Variants in AKAP6 observed in about 807,000 individuals in gnomAD.
AKAP6 encodes A-kinase anchoring protein 6.
A neutral mutation model predicts 188.5 loss-of-function variants in AKAP6; 58 were observed. That is an observed-to-expected ratio of 0.31 (90% CI 0.25 to 0.38). AKAP6 has a LOEUF of 0.38. AKAP6 is among the 10% of genes least tolerant of loss of function. The probability of loss-of-function intolerance (pLI) is 1.00; values close to 1 mark genes in which losing one functional copy is unlikely to be tolerated. For synonymous variants in AKAP6, 989 were observed against 998.6 expected (o/e 0.99, Z 0.18); for missense variants, 2,710 against 2,740.0 (o/e 0.99, Z 0.24).
At chr14:32,663,796 C>T (rs1594824572) in intron 7 of AKAP6, among the ~76,000 whole-genome samples, 1 of 152,066 alleles carries the variant, frequency 6.6e-6, no homozygotes, top group Non-Finnish European at 1.5e-5. Context: ...GGTATGTCTG[C>T]AACACACTGG....
intron 8 of AKAP6, among the ~76,000 whole-genome samples, chr14:32,683,944 G>A (rs1889800696): frequency 6.6e-6 from 1 of 152,324 alleles, no homozygotes; most frequent in South Asian, 2.1e-4. Flanking sequence ...TGGTTACTGG[G>A]TAGATGGGGT....
intron 1 of AKAP6, among the ~76,000 whole-genome samples, chr14:32,432,164 G>T (rs980663593): frequency 8.6e-5 from 13 of 150,850 alleles, no homozygotes; most frequent in African/African-American, 2.9e-4. Context: ...TCATCTTTGG[G>T]GAAATAACAA....
At chr14:32,468,252 A>G (rs990545414) in intron 2 of AKAP6, among the ~76,000 whole-genome samples, 2 of 152,206 alleles carry the variant, frequency 1.3e-5, no homozygotes, top group African/African-American at 4.8e-5. Context: ...ACATTAATGA[A>G]GAGAAAATTA....
chr14:32,603,864 T>C (rs1046411655), intron 7 of AKAP6, among the ~76,000 whole-genome samples: 5 of 152,156 alleles, frequency 3.3e-5, no homozygotes, highest in Non-Finnish European at 7.3e-5. Flanking sequence ...GATATATTTT[T>C]GAGTATCTTT....
rs368423502 is a variant in AKAP6 at position 32,509,120 on chromosome 14, CTTTTTTTTTT to C, written c.325-26419_325-26410del. ...AGGCGTAAGCCACCATGCCCTGCCTCTTTTTTTTTTTTTTTTTTTTTTTTGAGAGAGTCTT... is the reference window on the plus strand; with the variant it reads ...AGGCGTAAGCCACCATGCCCTGCCTCTTTTTTTTTTTTTTGAGAGAGTCTT... On this transcript the variant is annotated intron_variant, in intron 2 of 13. Coordinates refer to ENST00000280979, the MANE Select transcript of AKAP6 (RefSeq NM_004274.5). 7.2e-4 allele frequency among the ~76,000 whole-genome samples: 68 copies of C among 94,772 alleles called. 1 individual carries two copies. Among genetic ancestry groups the C allele is most frequent in the African/African-American group, 2.4e-3 (56 of 23,792 alleles). 62.2% of individuals were successfully genotyped at this position (94,772 alleles called of 152,430 possible).
At chr14:32,540,131 G>GCTCTCTCTCTCTCTCTCTCTCT (rs1216788649) in intron 3 of AKAP6, among the ~76,000 whole-genome samples, 4 of 66,478 alleles carry the variant, frequency 6.0e-5, no homozygotes, top group African/African-American at 3.4e-4. Flanking sequence ...TTGCTCGTGC[G>GCTCTCTCTCTCTCTCTCTCTCT]CTCTCTCTCT....
At chr14:32,374,009 C>T (rs887446305) in intron 1 of AKAP6, among the ~76,000 whole-genome samples, 2 of 152,136 alleles carry the variant, frequency 1.3e-5, no homozygotes, top group African/African-American at 4.8e-5. Context: ...AAACCCCTGG[C>T]GTATGGAACA....
chr14:32,832,691 T>C lies in AKAP6; in HGVS notation c.*2886T>C, dbSNP rs1324307100. ...ACTGTTCCACTGTTGGGCATATCTCTTTGTTAGAAAGTTCTTTCTTAGGTT... is the reference window on the plus strand; with the variant it reads ...ACTGTTCCACTGTTGGGCATATCTCCTTGTTAGAAAGTTCTTTCTTAGGTT... On this transcript the variant is annotated 3_prime_UTR_variant, in exon 14 of 14. Coordinates refer to ENST00000280979, the MANE Select transcript of AKAP6 (RefSeq NM_004274.5). 6.6e-6 allele frequency: 1 copy of C among 152,432 alleles called. No homozygotes were observed. Among genetic ancestry groups the C allele is most frequent in the Non-Finnish European group, 1.5e-5 (1 of 68,048 alleles). The allele number at this position is 152,432 out of a possible 1,614,324, so 9.4% of individuals were successfully genotyped here.
chr14:32,676,675 T>C (rs895092453), intron 7 of AKAP6, among the ~76,000 whole-genome samples: 1 of 152,254 alleles, frequency 6.6e-6, no homozygotes, highest in African/African-American at 2.4e-5. Context: ...ATTGCAGTTT[T>C]GATCTGATTC....
chr14:32,406,305 G>A (rs1327095422), intron 1 of AKAP6, among the ~76,000 whole-genome samples: 2 of 152,302 alleles, frequency 1.3e-5, no homozygotes, highest in South Asian at 2.1e-4. Flanking sequence ...TGCCTCCTGG[G>A]TTCAAGCGAT....
chr14:32,678,589 T>G, intron 8 of AKAP6, 130 bp downstream of exon 8: 1 of 1,004,162 alleles, frequency 1.0e-6, no homozygotes. Flanking sequence ...GACTAGGCAT[T>G]AATGTTCTTT....
chr14:32,585,404 C>T (rs1237196363), intron 5 of AKAP6, among the ~76,000 whole-genome samples: 3 of 152,144 alleles, frequency 2.0e-5, no homozygotes, highest in Non-Finnish European at 2.9e-5. Flanking sequence ...TAACCAACCA[C>T]ATAGAAATAG....
chr14:32,793,386 C>T (rs375990822), intron 12 of AKAP6, among the ~76,000 whole-genome samples: 1 of 151,830 alleles, frequency 6.6e-6, no homozygotes, highest in South Asian at 2.1e-4. Flanking sequence ...CAGTTTCTGA[C>T]AAACCAGAGT....
intron 1 of AKAP6, among the ~76,000 whole-genome samples, chr14:32,423,175 G>A (rs1018693237): frequency 5.9e-5 from 9 of 151,922 alleles, no homozygotes; most frequent in African/African-American, 2.2e-4. Flanking sequence ...AATTTTTTGT[G>A]TGTTTGTTTT....
At chr14:32,350,932 A>G (rs868136360) in intron 1 of AKAP6, among the ~76,000 whole-genome samples, 12 of 152,126 alleles carry the variant, frequency 7.9e-5, no homozygotes, top group African/African-American at 2.9e-4. Context: ...AATTTGGCAT[A>G]TGTTTTCCCA....
At chr14:32,575,366 T>C (rs1376864738) in intron 4 of AKAP6, among the ~76,000 whole-genome samples, 1 of 152,132 alleles carries the variant, frequency 6.6e-6, no homozygotes, top group Non-Finnish European at 1.5e-5. Context: ...AGTAAGGGAA[T>C]ACATTGTATG....
intron 2 of AKAP6, among the ~76,000 whole-genome samples, chr14:32,475,525 C>T (rs1462524349): frequency 6.6e-6 from 1 of 152,160 alleles, no homozygotes; most frequent in Non-Finnish European, 1.5e-5. Flanking sequence ...CAGAGCAAAG[C>T]TTCCAAAAAG....
intron 1 of AKAP6, among the ~76,000 whole-genome samples, chr14:32,352,540 C>T (rs115493517): frequency 0.025 from 3,798 of 152,186 alleles, 137 homozygotes; most frequent in African/African-American, 0.082. Context: ...ACCCCTTGAC[C>T]AATCTCCCTC....
chr14:32,700,689 A>G lies in AKAP6; in HGVS notation c.3000+4579A>G, dbSNP rs148769334. Among the ~76,000 whole-genome samples, 458 of 152,322 alleles carry G rather than the reference A, an allele frequency of 3.0e-3. 5 individuals are homozygous for G. The highest frequency in any genetic ancestry group is 0.023 in the Admixed American group (353 of 15,302). ...TGTACAGGTTTGTAGCCTAGGAGCA[A>G]TAGGCTCTACCGTATAGCCAAGATG... On this transcript the variant is annotated intron_variant, in intron 9 of 13. Coordinates refer to ENST00000280979, the MANE Select transcript of AKAP6 (RefSeq NM_004274.5).
Sources: allele counts gnomAD v4.1 joint callset (sites outside exome capture counted in the v4.1 genomes callset), GRCh38; gene constraint gnomAD v4.1.1; transcripts MANE v1.5; gene names NCBI Gene and HGNC (gene_info 2026-07-23, HGNC 2026-07-21).